TCEA1: variants seen among roughly 807,000 people sequenced by gnomAD.
TCEA1 encodes transcription elongation factor A1.
Under a neutral mutation model 43.8 loss-of-function variants are expected in TCEA1, and 21 were observed. The ratio of observed to expected loss-of-function variants is 0.48; its 90% CI spans 0.34 to 0.69. The LOEUF (loss-of-function observed/expected upper bound fraction) is 0.69. Ranked by LOEUF, TCEA1 falls within the 30% of genes least tolerant of loss-of-function variation. TCEA1 has a pLI of 0.01. For synonymous variants in TCEA1, 104 were observed against 117.5 expected, an observed-to-expected ratio of 0.88 and a Z score of 0.75; for missense variants, 250 against 365.1, an observed-to-expected ratio of 0.68 and a Z score of 2.57.
At chr8:53,984,100 C>G (rs572455825) in intron 7 of TCEA1, among the ~76,000 whole-genome samples, 1 of 151,524 alleles carries the variant, frequency 6.6e-6, no homozygotes, top group East Asian at 1.9e-4. Flanking sequence ...AACTCTGTCT[C>G]GAAAGAAAAA....
chr8:54,022,142 C>T lies in TCEA1; in HGVS notation c.-17G>A, dbSNP rs1474144788. The T allele has an allele frequency of 3.7e-6, 6 of 1,600,410 alleles. No individual in the cohort carries two copies. Among genetic ancestry groups the T allele is most frequent in the Non-Finnish European group, 5.1e-6 (6 of 1,173,640 alleles). ...GTCCTCCATGGCTCCGGCAGGTCTT[C>T]TCCGCGCCCACCCCGCTGGCAAGGG... On this transcript the variant is annotated 5_prime_UTR_variant, in exon 1 of 10. Coordinates refer to ENST00000521604, the MANE Select transcript of TCEA1 (RefSeq NM_006756.4).
At chr8:53,993,505 GA>G (rs11409518) in intron 4 of TCEA1, 162 bp downstream of exon 4, 91 of 503,908 alleles carry the variant, frequency 1.8e-4, no homozygotes, top group Non-Finnish European at 2.2e-4. Flanking sequence ...CAAGAAATCT[GA>G]AAAAAAAATA....
intron 5 of TCEA1, 80 bp downstream of exon 5, chr8:53,988,034 A>G: frequency 1.3e-6 from 2 of 1,525,162 alleles, no homozygotes; most frequent in Non-Finnish European, 1.8e-6. Context: ...AACACTCATC[A>G]AACAGCAATA....
chr8:53,981,308 T>C (rs1440299115), intron 7 of TCEA1, among the ~76,000 whole-genome samples: 1 of 152,226 alleles, frequency 6.6e-6, no homozygotes, highest in Non-Finnish European at 1.5e-5. Flanking sequence ...GGGTGACATC[T>C]AGGACTTTCA....
chr8:53,978,617 C>G (rs974244068), intron 8 of TCEA1: 1 of 154,438 alleles, frequency 6.5e-6, no homozygotes, highest in Non-Finnish European at 1.4e-5. Context: ...TCAACAGCAG[C>G]CTAACACTTA....
At chr8:54,003,110 A>T (rs1444761369) in intron 2 of TCEA1, 2 of 456,298 alleles carry the variant, frequency 4.4e-6, no homozygotes, top group Admixed American at 4.7e-5. Flanking sequence ...TAAAAAACAT[A>T]TAGCTACTGT....
At chr8:53,991,319 G>GAA (rs1351579629) in intron 4 of TCEA1, among the ~76,000 whole-genome samples, 229 of 151,898 alleles carry the variant, frequency 1.5e-3, no homozygotes, top group African/African-American at 5.4e-3. Context: ...CTTGAACCTG[G>GAA]GGGACAGAGG....
At chr8:53,999,170 A>G (rs1438720541) in intron 3 of TCEA1, among the ~76,000 whole-genome samples, 2 of 144,420 alleles carry the variant, frequency 1.4e-5, no homozygotes, top group African/African-American at 5.2e-5. Flanking sequence ...GCTTGCAGTG[A>G]GCCGAGATTG....
rs201279965 is a variant in TCEA1 at position 53,988,091 on chromosome 8, G to A, written c.466+23C>T. 1.2e-3 allele frequency: 1,907 copies of A among 1,606,338 alleles called. 2 individuals are homozygous for A. The highest frequency in any genetic ancestry group is 1.5e-3 in the Non-Finnish European group (1,742 of 1,176,942). On this transcript the variant is annotated intron_variant, in intron 5 of 9. Transcript: ENST00000521604. ...TTGTGGGTGGTGACCAAAGGACTGA[G>A]AAATAACATGCACTGGACTTACCCC... is the stretch of plus-strand genomic sequence containing the variant.
chr8:53,998,349 T>G (rs1164283198), intron 3 of TCEA1, among the ~76,000 whole-genome samples: 3 of 152,216 alleles, frequency 2.0e-5, no homozygotes, highest in African/African-American at 7.2e-5. Context: ...TACTTTTTTT[T>G]TGTGGTAATT....
chr8:53,986,540 T>C lies in TCEA1; in HGVS notation c.523+429A>G, dbSNP rs1563479927. ...ACACCCAATGTTCTCATGTATTTTG[T>C]AATCTCTTCTAATTATGTTATCGGT... On this transcript the variant is annotated intron_variant, in intron 6 of 9. Coordinates refer to ENST00000521604, the MANE Select transcript of TCEA1 (RefSeq NM_006756.4). 2.0e-5 allele frequency among the ~76,000 whole-genome samples: 3 copies of C among 152,236 alleles called. No homozygotes were observed. The South Asian group carries it at 6.2e-4, about 32-fold the overall frequency.
chr8:53,991,580 G>T (rs905601364), intron 4 of TCEA1, among the ~76,000 whole-genome samples: 9 of 151,810 alleles, frequency 5.9e-5, no homozygotes, highest in Admixed American at 5.2e-4. Flanking sequence ...TGTAATCCCA[G>T]CTACTTGGGA....
intron 1 of TCEA1, among the ~76,000 whole-genome samples, chr8:54,017,010 A>G (rs1263521247): frequency 6.6e-6 from 1 of 151,364 alleles, no homozygotes; most frequent in South Asian, 2.1e-4. Context: ...AGACTATACT[A>G]AGCAAAAGAG....
intron 8 of TCEA1, chr8:53,973,810 C>G (rs1803240170): frequency 2.4e-6 from 1 of 409,302 alleles, no homozygotes; most frequent in African/African-American, 2.1e-5. Flanking sequence ...AAAACAAAAG[C>G]TGTGGAAAAA....
At chr8:53,970,616 TG>T (rs1803128752) in intron 8 of TCEA1, among the ~76,000 whole-genome samples, 153 bp from the exon 9 acceptor site, 1 of 152,144 alleles carries the variant, frequency 6.6e-6, no homozygotes, top group Non-Finnish European at 1.5e-5. Flanking sequence ...AGCTAAATAA[TG>T]TCAACAGAGC....
chr8:53,986,822 G>T, intron 6 of TCEA1, 147 bp downstream of exon 6: 1 of 622,614 alleles, frequency 1.6e-6, no homozygotes, highest in Non-Finnish European at 2.8e-6. Flanking sequence ...ATCCTCTTCT[G>T]CTTCTGTTTT....
At chr8:53,993,815 T>C in intron 3 of TCEA1, 60 bp from the exon 4 acceptor site, 4 of 1,340,892 alleles carry the variant, frequency 3.0e-6, no homozygotes, top group Non-Finnish European at 3.2e-6. Context: ...ACTAAAATAC[T>C]GCGTTAACAG....
chr8:53,993,745 T>C lies in TCEA1; in HGVS notation c.243A>G (p.Ser81=). 1 of 1,612,538 alleles carries C rather than the reference T, an allele frequency of 6.2e-7. No individual in the cohort carries two copies. Among genetic ancestry groups the C allele is most frequent in the Non-Finnish European group, 8.5e-7 (1 of 1,179,498 alleles). The change falls in exon 4 of 10, where the codon TCA becomes TCG. Residue 81 remains serine, a synonymous_variant. Coordinates refer to ENST00000521604, the MANE Select transcript of TCEA1 (RefSeq NM_006756.4). ...KSWKKLLDGP[S]TEKDLDEKKK... ...TCTTTTCGTCAAGGTCTTTCTCAGT[T>C]GATGGCCCATCTGAAAATTATGAAA...
intron 7 of TCEA1, among the ~76,000 whole-genome samples, chr8:53,981,412 G>T (rs764937302): frequency 2.6e-5 from 4 of 152,074 alleles, no homozygotes; most frequent in Non-Finnish European, 5.9e-5. Flanking sequence ...GTGACTTCAA[G>T]TTGAAGCCAA....
Sources: gnomAD v4.1 joint callset for allele counts (sites outside exome capture counted in the v4.1 genomes callset) on GRCh38, gnomAD v4.1.1 for gene constraint, MANE v1.5 for transcripts, NCBI Gene and HGNC (gene_info 2026-07-23, HGNC 2026-07-21) for gene names.